Variants in ADGRE2 observed in about 807,000 individuals in gnomAD.
The protein encoded by ADGRE2 is adhesion G protein-coupled receptor E2.
A neutral mutation model predicts 100.8 loss-of-function variants in ADGRE2; 83 were observed. The ratio of observed to expected loss-of-function variants is 0.82; its 90% CI spans 0.69 to 0.99. ADGRE2 has a LOEUF of 0.99. Ranked by LOEUF, ADGRE2 falls within the 50% of genes least tolerant of loss-of-function variation. The pLI, the probability that ADGRE2 is intolerant of heterozygous loss-of-function variation, is 0.00. For synonymous variants in ADGRE2, 355 were observed against 413.0 expected (o/e 0.86, Z 1.70); for missense variants, 814 against 1,035.7 (o/e 0.79, Z 2.94).
downstream of ADGRE2, chr19:14,732,390 A>G (rs2042679336): frequency 6.6e-6 from 1 of 152,252 alleles, no homozygotes; most frequent in Admixed American, 6.5e-5. Flanking sequence ...TGGGAAACCA[A>G]AAAATGTGTA....
intron 15 of ADGRE2, 128 bp downstream of exon 15, chr19:14,752,200 TG>T: frequency 2.5e-6 from 3 of 1,180,606 alleles, no homozygotes; most frequent in Non-Finnish European, 3.6e-6. Flanking sequence ...CCCAAAGTGC[TG>T]GGATTACAGG....
chr19:14,759,962 GCACCC>G (rs2043656050), intron 11 of ADGRE2, among the ~76,000 whole-genome samples: 1 of 151,992 alleles, frequency 6.6e-6, no homozygotes, highest in Non-Finnish European at 1.5e-5. Flanking sequence ...GGGACTACAG[GCACCC>G]GCCACCACGC....
intron 16 of ADGRE2, among the ~76,000 whole-genome samples, chr19:14,750,665 C>T (rs2043257451): frequency 1.3e-5 from 2 of 152,088 alleles, no homozygotes; most frequent in South Asian, 2.1e-4. Flanking sequence ...TTTAGTTATT[C>T]AAATCAGGTC....
chr19:14,755,745 G>T lies in ADGRE2; in HGVS notation c.1325C>A (p.Pro442His). Residue 442 changes from proline to histidine, a missense_variant, in exon 13 of 21, where the codon CCC becomes CAC. By Grantham distance (77) the Pro-to-His change is moderately conservative. This residue lies in a region of ADGRE2 where 569 missense variants were observed against 692.7 expected (regional missense o/e 0.82). Coordinates refer to ENST00000315576, the MANE Select transcript of ADGRE2 (RefSeq NM_013447.4). ...THQGLLQDGS[P>H]ILLSDVISAF... ...AGAGATCACATCTGAGAGCAGGATG[G>T]GGGAGCCGTCCTGCAGCAAGCCCTG... is the stretch of plus-strand genomic sequence containing the variant. 6.2e-7 allele frequency: 1 copy of T among 1,614,164 alleles called. No individual in the cohort carries two copies. Among genetic ancestry groups the T allele is most frequent in the South Asian group, 1.1e-5 (1 of 91,070 alleles).
chr19:14,767,955 A>C (rs1324368102), intron 5 of ADGRE2, among the ~76,000 whole-genome samples: 1 of 152,200 alleles, frequency 6.6e-6, no homozygotes, highest in Non-Finnish European at 1.5e-5. Flanking sequence ...GCAACTGTAC[A>C]TGGTGGTCAT....
At chr19:14,755,625 A>G (rs1367672171) in intron 13 of ADGRE2, 29 bp downstream of exon 13, 1 of 1,599,976 alleles carries the variant, frequency 6.3e-7, no homozygotes, top group South Asian at 1.1e-5. Flanking sequence ...CAGACTATTC[A>G]CCCACCAACC....
At chr19:14,743,091 T>C (rs568404062) in intron 20 of ADGRE2, among the ~76,000 whole-genome samples, 2 of 152,128 alleles carry the variant, frequency 1.3e-5, no homozygotes, top group East Asian at 3.9e-4. Flanking sequence ...TATGCCACCA[T>C]GTCTGGCTAA....
intron 11 of ADGRE2, among the ~76,000 whole-genome samples, chr19:14,758,708 C>A (rs1460131009): frequency 6.6e-6 from 1 of 151,986 alleles, no homozygotes; most frequent in Non-Finnish European, 1.5e-5. Context: ...CACGGTGAAA[C>A]CCCGTCTCTA....
chr19:14,776,975 T>TGCGCAC, intron 1 of ADGRE2, 48 bp from the exon 2 acceptor site: 4 of 640,910 alleles, frequency 6.2e-6, no homozygotes, highest in Non-Finnish European at 6.2e-6. Flanking sequence ...CCAGGGGCGC[T>TGCGCAC]GCACACACAC....
intron 15 of ADGRE2, among the ~76,000 whole-genome samples, chr19:14,751,931 ATTTTTTTT>A (rs199828270): frequency 0.068 from 9,123 of 133,740 alleles, 878 homozygotes; most frequent in African/African-American, 0.21. Flanking sequence ...ATATATATAT[ATTTTTTTT>A]TTTTTTTTTT....
chr19:14,776,876 G>C lies in ADGRE2; in HGVS notation c.-120C>G, dbSNP rs1390114206. 4.6e-6 allele frequency: 7 copies of C among 1,533,932 alleles called. No individual in the cohort carries two copies. Among genetic ancestry groups the C allele is most frequent in the Admixed American group, 2.1e-5 (1 of 47,576 alleles). On this transcript the variant is annotated 5_prime_UTR_variant, in exon 2 of 21. Transcript: ENST00000315576. Reference sequence around the variant, plus strand: ...CCCGAGGCCAGGACTTTATAAAGGAGGGGGGGCGGACAGCCGCTGGCCCAG... The same window carrying C: ...CCCGAGGCCAGGACTTTATAAAGGACGGGGGGCGGACAGCCGCTGGCCCAG...
At chr19:14,754,229 A>G (rs2043401789) in intron 14 of ADGRE2, among the ~76,000 whole-genome samples, 1 of 151,950 alleles carries the variant, frequency 6.6e-6, no homozygotes, top group Non-Finnish European at 1.5e-5. Context: ...CAGACGGCCT[A>G]TCGTGGGACC....
chr19:14,760,618 C>CA lies in ADGRE2; in HGVS notation c.1084+3814dup, dbSNP rs926219169. Among the ~76,000 whole-genome samples the CA allele has an allele frequency of 5.8e-3, 814 of 141,334 alleles. 8 individuals carry two copies. The highest frequency in any genetic ancestry group is 0.018 in the African/African-American group (706 of 38,858). The allele number at this position is 141,334 out of a possible 152,430, so 92.7% of individuals were successfully genotyped here. On this transcript the variant is annotated intron_variant, in intron 11 of 20. Coordinates refer to ENST00000315576, the MANE Select transcript of ADGRE2 (RefSeq NM_013447.4). The stretch of plus-strand genomic sequence containing the variant: ...GCACTATTCACACCAGCCATCTAAA[C>CA]AAAAAAAAAAAATTCGAAGTCCTCT...
intron 20 of ADGRE2, among the ~76,000 whole-genome samples, chr19:14,738,969 C>CTTTTTTTTTTT (rs68029679): frequency 4.8e-5 from 5 of 104,904 alleles, no homozygotes; most frequent in Admixed American, 9.4e-5. Flanking sequence ...CTTTTCTTTT[C>CTTTTTTTTTTT]TTTTTTTTTT....
At chr19:14,750,492 C>G (rs1011559803) in intron 16 of ADGRE2, among the ~76,000 whole-genome samples, 1 of 152,012 alleles carries the variant, frequency 6.6e-6, no homozygotes, top group Admixed American at 6.6e-5. Flanking sequence ...TGCTTTCTCC[C>G]TAAGTACAGG....
At chr19:14,741,712 C>G (rs2042938863) in intron 20 of ADGRE2, 1 of 206,846 alleles carries the variant, frequency 4.8e-6, no homozygotes, top group Non-Finnish European at 9.5e-6. Flanking sequence ...GTCTCGATCT[C>G]CTGACTTTGT....
At chr19:14,730,527 C>T (rs1295678380), downstream of ADGRE2, among the ~76,000 whole-genome samples, 2 of 149,672 alleles carry the variant, frequency 1.3e-5, no homozygotes, top group African/African-American at 2.5e-5. Flanking sequence ...TTTTCTTTGT[C>T]TTCCTCTCTC....
chr19:14,741,113 G>T (rs1184740403), intron 20 of ADGRE2, among the ~76,000 whole-genome samples: 10 of 62,400 alleles, frequency 1.6e-4, no homozygotes, highest in Admixed American at 7.1e-4. Context: ...TTTTTTTTTG[G>T]CAGAGTATTG....
chr19:14,740,732 T>G lies in ADGRE2; in HGVS notation c.2463+2688A>C, dbSNP rs991512236. On this transcript the variant is annotated intron_variant, in intron 20 of 20. Coordinates refer to ENST00000315576, the MANE Select transcript of ADGRE2 (RefSeq NM_013447.4). ...GCTTCTTTTCAAGACTTTAAAAAAT[T>G]TATTATTTATGTATTTACTTTACAC... Among the ~76,000 whole-genome samples, 4 of 150,020 alleles carry G rather than the reference T, an allele frequency of 2.7e-5. No homozygotes were observed. In the South Asian group the frequency reaches 8.3e-4, roughly 31 times the overall value.
Sources: allele counts gnomAD v4.1 joint callset (sites outside exome capture counted in the v4.1 genomes callset), GRCh38; gene constraint gnomAD v4.1.1; regional missense constraint gnomAD v4.1.1; transcripts MANE v1.5; gene names NCBI Gene and HGNC (gene_info 2026-07-23, HGNC 2026-07-21).